HPS3: variants seen among roughly 807,000 people sequenced by gnomAD.
The protein encoded by HPS3 is HPS3 biogenesis of lysosomal organelles complex 2 subunit 1.
In HPS3, 79 loss-of-function variants were observed where a neutral mutation model predicts 110.9. The observed-to-expected ratio is 0.71, with a 90% CI of 0.59 to 0.86. HPS3 has a LOEUF of 0.86. Ranked by LOEUF, HPS3 falls within the 40% of genes least tolerant of loss-of-function variation. The probability of loss-of-function intolerance (pLI) is 0.00; values close to 1 mark genes in which losing one functional copy is unlikely to be tolerated. For missense variants in HPS3, 1,197 were observed against 1,206.2 expected, an observed-to-expected ratio of 0.99 and a Z score of 0.11; for synonymous variants, 428 against 451.0, an observed-to-expected ratio of 0.95 and a Z score of 0.65.
In HPS3 at chr3:149,172,350, A is replaced by ACACG. The variant is rs1166378047; in HGVS notation, c.*131_*132insGCAC. The ACACG allele has an allele frequency of 2.1e-5, 15 of 697,776 alleles. No individual in the cohort carries two copies. Among genetic ancestry groups the ACACG allele is most frequent in the East Asian group, 1.4e-4 (5 of 35,362 alleles). The allele number at this position is 697,776 out of a possible 1,614,324, so 43.2% of individuals were successfully genotyped here. ...CACACACACACACACACACACACACACACACATATATGATACAAATGCTTT... is the reference window on the plus strand; with the variant it reads ...CACACACACACACACACACACACACACACGCACACATATATGATACAAATGCTTT... On this transcript the variant is annotated 3_prime_UTR_variant, in exon 17 of 17. Coordinates refer to ENST00000296051, the MANE Select transcript of HPS3 (RefSeq NM_032383.5).
Position 149,129,890 on chromosome 3 carries a change from G to C in HPS3, c.167G>C (p.Cys56Ser), listed in dbSNP as rs1472425843. 6.3e-7 allele frequency: 1 copy of C among 1,587,102 alleles called. No individual in the cohort carries two copies. Among genetic ancestry groups the C allele is most frequent in the African/African-American group, 1.3e-5 (1 of 74,424 alleles). The change falls in exon 1 of 17, where the codon TGC becomes TCC. Residue 56 changes from cysteine (C) to serine (S), a missense_variant. Cys to Ser is a moderately radical substitution (Grantham distance 112). Transcript: ENST00000296051. ...VAGQELCQPR[C>S]AFSTLGRVLR... ...GGCCAGGAGCTGTGCCAGCCGCGGT[G>C]CGCCTTCTCCACGCTGGGCCGGGTG...
chr3:149,163,721 G>C (rs1724118297), intron 13 of HPS3, 121 bp from the exon 14 acceptor site: 1 of 620,102 alleles, frequency 1.6e-6, no homozygotes, highest in Non-Finnish European at 2.9e-6. Context: ...CCATTCCCAG[G>C]AAAGTATATA....
intron 4 of HPS3, 139 bp downstream of exon 4, chr3:149,141,519 GTT>G (rs373195954): frequency 8.7e-5 from 34 of 392,534 alleles, no homozygotes; most frequent in Middle Eastern, 7.3e-4. Context: ...CTTTAACAAA[GTT>G]TTTTTTTTTG....
At chr3:149,146,824 G>A (rs1240328265) in intron 5 of HPS3, among the ~76,000 whole-genome samples, 4 of 152,216 alleles carry the variant, frequency 2.6e-5, no homozygotes, top group Admixed American at 6.5e-5. Context: ...AAGTAGACAG[G>A]TGGTGAAAAC....
chr3:149,140,130 G>C lies in HPS3; in HGVS notation c.344G>C (p.Gly115Ala). ...CGAATGATTGGGCATAATGTGGAGGGACCATTCAGCAAAGCCTTCAGAGAC... is the reference window on the plus strand; with the variant it reads ...CGAATGATTGGGCATAATGTGGAGGCACCATTCAGCAAAGCCTTCAGAGAC... ...CIRMIGHNVE[G>A]PFSKAFRDQM... Residue 115 changes from glycine (G) to alanine (A), a missense_variant, in exon 2 of 17, where the codon GGA (glycine) becomes GCA (alanine). Gly to Ala is a moderately conservative substitution (Grantham distance 60, BLOSUM62 0). Transcript: ENST00000296051. 1 of 1,613,826 alleles carries C rather than the reference G, an allele frequency of 6.2e-7. No homozygotes were observed. Among genetic ancestry groups the C allele is most frequent in the Non-Finnish European group, 8.5e-7 (1 of 1,179,814 alleles).
At chr3:149,167,293 A>G (rs1724523460) in intron 15 of HPS3, 53 bp downstream of exon 15, 2 of 1,388,326 alleles carry the variant, frequency 1.4e-6, no homozygotes, top group Admixed American at 1.9e-5. Flanking sequence ...ATCAGATCTG[A>G]TAACCTCATT....
Position 149,129,707 on chromosome 3 carries a change from T to C in HPS3, c.-17T>C, listed in dbSNP as rs1370989576. 4 of 1,561,994 alleles carry C rather than the reference T, an allele frequency of 2.6e-6. No individual in the cohort carries two copies. Among genetic ancestry groups the C allele is most frequent in the Non-Finnish European group, 2.6e-6 (3 of 1,155,924 alleles). The stretch of plus-strand genomic sequence containing the variant: ...CCTGCAGGGCGGGCAGGCTGTGCCA[T>C]CCCGCCGGACGTCGGGATGGTGCAG... On this transcript the variant is annotated 5_prime_UTR_variant, in exon 1 of 17. Transcript: ENST00000296051.
At chr3:149,148,730 T>G (rs1365670931) in intron 5 of HPS3, among the ~76,000 whole-genome samples, 2 of 152,022 alleles carry the variant, frequency 1.3e-5, no homozygotes, top group South Asian at 2.1e-4. Context: ...TTGTTGTTTT[T>G]ACAATGCATG....
Position 149,155,117 on chromosome 3 carries a change from G to A in HPS3, c.1411G>A (p.Asp471Asn). The change falls in exon 8 of 17, where the codon GAT becomes AAT. Residue 471 changes from aspartate (D) to asparagine (N), a missense_variant. Transcript: ENST00000296051. ...TTGTTTTGCTTTTAGTTCGAGAAAAGATACCAGTGTTAAAATCAAAATACC... is the reference window on the plus strand; with the variant it reads ...TTGTTTTGCTTTTAGTTCGAGAAAAAATACCAGTGTTAAAATCAAAATACC... ...QSPKRLLSRK[D>N]TSVKIKIPPV... The A allele has an allele frequency of 6.3e-7, 1 of 1,589,588 alleles. No homozygotes were observed. Among genetic ancestry groups the A allele is most frequent in the Non-Finnish European group, 8.6e-7 (1 of 1,157,704 alleles).
intron 7 of HPS3, chr3:149,153,920 T>G (rs148767134): frequency 2.2e-5 from 10 of 453,314 alleles, no homozygotes; most frequent in Non-Finnish European, 3.6e-5. Flanking sequence ...TGCTTTTCTG[T>G]GTAATTAATG....
chr3:149,166,607 G>A (rs187636898), intron 14 of HPS3, among the ~76,000 whole-genome samples: 7 of 152,170 alleles, frequency 4.6e-5, no homozygotes, highest in African/African-American at 1.7e-4. Context: ...ATCTGAGTGT[G>A]CCATATGTAT....
Position 149,141,085 on chromosome 3 carries a change from C to G in HPS3, c.781C>G (p.Leu261Val), listed in dbSNP as rs778626931. 6.2e-7 allele frequency: 1 copy of G among 1,613,358 alleles called. No homozygotes were observed. Among genetic ancestry groups the G allele is most frequent in the Admixed American group, 1.7e-5 (1 of 59,934 alleles). The change falls in exon 3 of 17, where the codon CTT (leucine) becomes GTT (valine). Residue 261 changes from leucine to valine, a missense_variant. Leu to Val is a conservative substitution (Grantham distance 32). Coordinates refer to ENST00000296051, the MANE Select transcript of HPS3 (RefSeq NM_032383.5). ...CATCTGCCAGAAGCCCCTGGAACTT[C>G]TTGGTGAAAAAAGTGAACAGTCTGG... Reference protein sequence around the residue: ...FVICQKPLELLGEKSEQSGLS... With the variant: ...FVICQKPLELVGEKSEQSGLS...
chr3:149,147,240 AT>A (rs1722831340), intron 5 of HPS3, among the ~76,000 whole-genome samples: 1 of 152,218 alleles, frequency 6.6e-6, no homozygotes, highest in African/African-American at 2.4e-5. Context: ...ATGCTTATAG[AT>A]TATCAAGACA....
At chr3:149,143,281 C>T (rs150066151) in intron 4 of HPS3, among the ~76,000 whole-genome samples, 161 of 152,318 alleles carry the variant, frequency 1.1e-3, no homozygotes, top group African/African-American at 3.6e-3. Context: ...GCCACAGGCA[C>T]GCTTATCTAA....
Position 149,155,107 on chromosome 3 carries a change from T to C in HPS3, c.1401T>C (p.Leu467=). 6.4e-7 allele frequency: 1 copy of C among 1,564,686 alleles called. No homozygotes were observed. Among genetic ancestry groups the C allele is most frequent in the East Asian group, 2.2e-5 (1 of 44,648 alleles). Residue 467 remains leucine, a splice_region_variant and synonymous_variant, in exon 8 of 17, where the codon CTT becomes CTC. Coordinates refer to ENST00000296051, the MANE Select transcript of HPS3 (RefSeq NM_032383.5). ...TTCTTGTCCTTTGTTTTGCTTTTAG[T>C]TCGAGAAAAGATACCAGTGTTAAAA... ...PERRQSPKRL[L]SRKDTSVKIK...
Position 149,163,864 on chromosome 3 carries a change from G to T in HPS3, c.2504G>T (p.Gly835Val), listed in dbSNP as rs374858345. ...TAGATAAATGCCTGTAGTCATTATG[G>T]CTTAATTTATCCATGGGTTCACGTC... Reference protein sequence around the residue: ...EDLINACSHYGLIYPWVHVVI... With the variant: ...EDLINACSHYVLIYPWVHVVI... The change falls in exon 14 of 17, where the codon GGC (glycine) becomes GTC (valine). Residue 835 changes from glycine to valine, a missense_variant. Coordinates refer to ENST00000296051, the MANE Select transcript of HPS3 (RefSeq NM_032383.5). The T allele has an allele frequency of 2.6e-6, 4 of 1,567,550 alleles. No individual in the cohort carries two copies. The highest frequency in any genetic ancestry group is 3.5e-6 in the Non-Finnish European group (4 of 1,137,640).
At position 149,153,772 on chromosome 3, in the gene HPS3, C is replaced by CT; in HGVS notation, c.1400+129dup. 4 of 966,636 alleles carry CT rather than the reference C, an allele frequency of 4.1e-6. No homozygotes were observed. The South Asian group carries it at 5.5e-5, about 13-fold the overall frequency. The allele number at this position is 966,636 out of a possible 1,614,324, so 59.9% of individuals were successfully genotyped here. A position where few individuals can be genotyped will look rare whatever the true frequency, so the allele number is the denominator to read the frequency against. On this transcript the variant is annotated intron_variant, in intron 7 of 16. Transcript: ENST00000296051. Reference sequence around the variant, plus strand: ...GATCAAATGGCTTTTTTATGGTGGTCTTTTTCCAGAGAAAGAAAAGAAGGT... The same window carrying CT: ...GATCAAATGGCTTTTTTATGGTGGTCTTTTTTCCAGAGAAAGAAAAGAAGGT...
chr3:149,133,411 G>T (rs1721889722), intron 1 of HPS3, among the ~76,000 whole-genome samples: 1 of 152,148 alleles, frequency 6.6e-6, no homozygotes, highest in Admixed American at 6.5e-5. Context: ...GCAATTCCCA[G>T]CCTCAGCCTC....
intron 6 of HPS3, among the ~76,000 whole-genome samples, chr3:149,152,284 C>T (rs1472073205): frequency 6.6e-6 from 1 of 152,098 alleles, no homozygotes; most frequent in Non-Finnish European, 1.5e-5. Flanking sequence ...AAGACATAGG[C>T]TTATATAGGG....
Sources: allele counts gnomAD v4.1 joint callset (sites outside exome capture counted in the v4.1 genomes callset), GRCh38; gene constraint gnomAD v4.1.1; transcripts MANE v1.5; gene names NCBI Gene and HGNC (gene_info 2026-07-23, HGNC 2026-07-21).